The following INPP5A variants were observed in gnomAD, a reference collection of about 807,000 sequenced individuals.
INPP5A encodes the protein inositol polyphosphate-5-phosphatase A.
In INPP5A, 14 loss-of-function variants were observed where a neutral mutation model predicts 65.2. The observed-to-expected ratio is 0.21, with a 90% CI of 0.14 to 0.34. INPP5A has a LOEUF of 0.34. Ranked by LOEUF, INPP5A falls within the 10% of genes least tolerant of loss-of-function variation. The pLI, the probability that INPP5A is intolerant of heterozygous loss-of-function variation, is 1.00. For synonymous variants in INPP5A, 207 were observed against 208.3 expected, an observed-to-expected ratio of 0.99 and a Z score of 0.05; for missense variants, 431 against 545.6, an observed-to-expected ratio of 0.79 and a Z score of 2.09.
chr10:132,766,077 C>T (rs551731685), intron 12 of INPP5A, among the ~76,000 whole-genome samples: 63 of 152,034 alleles, frequency 4.1e-4, no homozygotes, highest in Non-Finnish European at 1.2e-4. Flanking sequence ...TGTGTGTGCA[C>T]ATGTGCACGA....
At chr10:132,685,518 CAGA>C (rs1400867141) in intron 4 of INPP5A, among the ~76,000 whole-genome samples, 2 of 152,230 alleles carry the variant, frequency 1.3e-5, no homozygotes, top group African/African-American at 2.4e-5. Flanking sequence ...GAGCTGGGTG[CAGA>C]AGACCAGGTT....
intron 11 of INPP5A, among the ~76,000 whole-genome samples, chr10:132,754,451 G>T (rs1846553833): frequency 6.6e-6 from 1 of 152,192 alleles, no homozygotes; most frequent in Non-Finnish European, 1.5e-5. Context: ...GCTCAGGGCT[G>T]GTCAGTGTGT....
At chr10:132,571,476 C>T (rs989052338) in intron 1 of INPP5A, among the ~76,000 whole-genome samples, 1 of 152,260 alleles carries the variant, frequency 6.6e-6, no homozygotes, top group African/African-American at 2.4e-5. Flanking sequence ...GTGTGTGGTT[C>T]TGGGTCACTC....
At chr10:132,620,012 C>T (rs2072089606) in intron 2 of INPP5A, among the ~76,000 whole-genome samples, 1 of 152,196 alleles carries the variant, frequency 6.6e-6, no homozygotes, top group South Asian at 2.1e-4. Flanking sequence ...TTCAAAATGG[C>T]AGCCTGGGCT....
rs977553247 is a variant in INPP5A, at chr10:132,741,117, C to T, written c.733-8400C>T. On this transcript the variant is annotated intron_variant, in intron 9 of 15. Transcript: ENST00000368594. The surrounding 1 kb of genome is among the most constrained non-coding windows in gnomAD (Gnocchi z 4.4). Reference sequence around the variant, plus strand: ...GCATTGTGGGGCACGCCTGTAGTCCCAGATACTCAGGAGGCTGAGGCGGGA... The same window carrying T: ...GCATTGTGGGGCACGCCTGTAGTCCTAGATACTCAGGAGGCTGAGGCGGGA... Among the ~76,000 whole-genome samples, 1 of 152,158 alleles carries T rather than the reference C, an allele frequency of 6.6e-6. No individual in the cohort carries two copies. The highest frequency in any genetic ancestry group is 2.4e-5 in the African/African-American group (1 of 41,424).
intron 11 of INPP5A, among the ~76,000 whole-genome samples, chr10:132,758,633 G>A (rs540398090): frequency 8.6e-4 from 106 of 122,734 alleles, no homozygotes; most frequent in African/African-American, 2.8e-3. Flanking sequence ...CAGCTGACCC[G>A]ACAGCACAGC....
chr10:132,609,805 C>T (rs1305542001), intron 2 of INPP5A, among the ~76,000 whole-genome samples: 7 of 152,008 alleles, frequency 4.6e-5, no homozygotes, highest in Non-Finnish European at 8.8e-5. Context: ...CCACCATGCC[C>T]GGCTAATTTT....
intron 2 of INPP5A, among the ~76,000 whole-genome samples, chr10:132,615,552 C>CTTGGT: frequency 6.6e-6 from 1 of 152,294 alleles, no homozygotes; most frequent in East Asian, 1.9e-4. Flanking sequence ...GTTCACTGCG[C>CTTGGT]TTGGTTTGAC....
intron 2 of INPP5A, among the ~76,000 whole-genome samples, chr10:132,624,389 G>A (rs2072150346): frequency 6.6e-6 from 1 of 152,236 alleles, no homozygotes; most frequent in South Asian, 2.1e-4. Flanking sequence ...ACACCGGCAT[G>A]CCCGTGCTTC....
chr10:132,646,734 A>G (rs1281140752), intron 3 of INPP5A, among the ~76,000 whole-genome samples: 2 of 152,196 alleles, frequency 1.3e-5, no homozygotes, highest in African/African-American at 4.8e-5. Flanking sequence ...AGCCCCCAAC[A>G]TCGCAGAGCT....
chr10:132,586,052 G>A (rs1031803978), intron 1 of INPP5A, among the ~76,000 whole-genome samples: 1 of 152,188 alleles, frequency 6.6e-6, no homozygotes, highest in Non-Finnish European at 1.5e-5. Flanking sequence ...TCTGTCCGGG[G>A]GCCAGTGGTC....
chr10:132,747,561 A>G (rs566321665), intron 9 of INPP5A, among the ~76,000 whole-genome samples: 1 of 152,330 alleles, frequency 6.6e-6, no homozygotes, highest in Non-Finnish European at 1.5e-5. Context: ...CCTGCACAGG[A>G]AGGCCGGGCA....
In INPP5A at chr10:132,663,197, A is replaced by G. The variant is rs1186816637; in HGVS notation, c.306+12692A>G. On this transcript the variant is annotated intron_variant, in intron 4 of 15. Coordinates refer to ENST00000368594, the MANE Select transcript of INPP5A (RefSeq NM_005539.5). This position sits in a 1 kb window ranked among gnomAD's most constrained non-coding sequence, Gnocchi z 4.5. ...ATATACACATATGCGTATGTTATAT[A>G]AAATTGAAAAGACTTTCTTCTCGTT... Among the ~76,000 whole-genome samples, 4 of 152,220 alleles carry G rather than the reference A, an allele frequency of 2.6e-5. No homozygotes were observed. Among genetic ancestry groups the G allele is most frequent in the Non-Finnish European group, 4.4e-5 (3 of 68,042 alleles).
At chr10:132,726,727 T>C in intron 8 of INPP5A, 94 bp from the exon 9 acceptor site, 1 of 829,384 alleles carries the variant, frequency 1.2e-6, no homozygotes. Context: ...GAACAGAGAG[T>C]GTGCGGATGG....
chr10:132,708,987 C>T (rs1845588019), intron 7 of INPP5A, among the ~76,000 whole-genome samples: 1 of 152,018 alleles, frequency 6.6e-6, no homozygotes, highest in Non-Finnish European at 1.5e-5. Context: ...TTTTCCAAAA[C>T]TTGGCTGCTT....
chr10:132,757,530 G>A (rs148764995), intron 11 of INPP5A, among the ~76,000 whole-genome samples: 48 of 152,364 alleles, frequency 3.2e-4, no homozygotes, highest in Non-Finnish European at 5.3e-4. Context: ...GAGCGTACAC[G>A]CGCTGTGATG....
At chr10:132,757,110 A>G (rs1423118461) in intron 11 of INPP5A, among the ~76,000 whole-genome samples, 2 of 152,264 alleles carry the variant, frequency 1.3e-5, no homozygotes, top group Non-Finnish European at 2.9e-5. Context: ...AAAAGTTACA[A>G]TAAGTTAAGG....
At position 132,716,583 on chromosome 10, in the gene INPP5A, A is replaced by G. The variant is rs1845743760; in HGVS notation, c.647+6127A>G. Among the ~76,000 whole-genome samples, 4 of 152,118 alleles carry G rather than the reference A, an allele frequency of 2.6e-5. No individual in the cohort carries two copies. In the South Asian group the frequency reaches 8.3e-4, roughly 32 times the overall value. ...GACAGGACGATGCCTGTGCTGGGCC[A>G]TGGGGGCCGTGTGTCTCCACTCCCG... On this transcript the variant is annotated intron_variant, in intron 8 of 15. Transcript: ENST00000368594.
chr10:132,772,953 C>T (rs997538131), intron 12 of INPP5A, among the ~76,000 whole-genome samples: 2 of 152,246 alleles, frequency 1.3e-5, no homozygotes, highest in African/African-American at 4.8e-5. Context: ...CCACCTGCAG[C>T]GAGCCGCCGC....
Sources: allele counts gnomAD v4.1 joint callset (sites outside exome capture counted in the v4.1 genomes callset), GRCh38; gene constraint gnomAD v4.1.1; non-coding constraint Gnocchi (gnomAD v3.1); transcripts MANE v1.5; gene names NCBI Gene and HGNC (gene_info 2026-07-23, HGNC 2026-07-21).